GABBR2: variants seen among roughly 807,000 people sequenced by gnomAD.
GABBR2 encodes G-protein coupled receptor 51.
Under a neutral mutation model 105.6 loss-of-function variants are expected in GABBR2, and 23 were observed. The observed-to-expected ratio is 0.22, with a 90% confidence interval of 0.16 to 0.31. GABBR2 has a LOEUF of 0.31. GABBR2 is among the 10% of genes least tolerant of loss of function. The probability of loss-of-function intolerance (pLI) is 1.00; values close to 1 mark genes in which losing one functional copy is unlikely to be tolerated. For missense variants in GABBR2, 734 were observed against 1,245.5 expected (o/e 0.59, Z 6.18); for synonymous variants, 478 against 499.7 (o/e 0.96, Z 0.58).
At chr9:98,596,212 G>A (rs2131800194) in intron 1 of GABBR2, among the ~76,000 whole-genome samples, 1 of 152,352 alleles carries the variant, frequency 6.6e-6, no homozygotes, top group Non-Finnish European at 1.5e-5. Context: ...GATGATAATA[G>A]TGTTTACATT....
At chr9:98,613,443 G>T (rs906250285) in intron 1 of GABBR2, among the ~76,000 whole-genome samples, 24 of 38,138 alleles carry the variant, frequency 6.3e-4, no homozygotes, top group Non-Finnish European at 1.1e-3. Context: ...CTGTCTCAGG[G>T]GAAGAAAAAA....
intron 13 of GABBR2, among the ~76,000 whole-genome samples, chr9:98,356,289 G>A (rs1831482020): frequency 6.6e-6 from 1 of 152,074 alleles, no homozygotes; most frequent in African/African-American, 2.4e-5. Flanking sequence ...ATCTAATAAA[G>A]GACTTGCATC....
At chr9:98,353,707 T>A (rs10125411) in intron 13 of GABBR2, among the ~76,000 whole-genome samples, 2 of 151,964 alleles carry the variant, frequency 1.3e-5, no homozygotes, top group African/African-American at 4.8e-5. Context: ...TCAGGTGATA[T>A]GGTTTGGCTG....
intron 3 of GABBR2, among the ~76,000 whole-genome samples, chr9:98,534,371 C>T (rs968847588): frequency 3.3e-5 from 5 of 152,172 alleles, no homozygotes; most frequent in African/African-American, 1.2e-4. Flanking sequence ...GGCAGCCATG[C>T]TCATGGCAGG....
chr9:98,494,348 A>G (rs1827234427), intron 4 of GABBR2, among the ~76,000 whole-genome samples: 1 of 152,194 alleles, frequency 6.6e-6, no homozygotes, highest in Non-Finnish European at 1.5e-5. Flanking sequence ...GTTCAGGGAA[A>G]GCCTCGGGGA....
chr9:98,322,312 T>C (rs550184399), intron 13 of GABBR2, among the ~76,000 whole-genome samples: 26 of 152,196 alleles, frequency 1.7e-4, no homozygotes, highest in Non-Finnish European at 3.7e-4. Flanking sequence ...CTCTCCAGCC[T>C]TTCTCATTCT....
intron 2 of GABBR2, among the ~76,000 whole-genome samples, chr9:98,566,613 T>G: frequency 6.6e-6 from 1 of 151,796 alleles, no homozygotes; most frequent in Admixed American, 6.6e-5. Context: ...AGGTGGAGCT[T>G]GTAGTGAGCC....
intron 1 of GABBR2, among the ~76,000 whole-genome samples, chr9:98,632,217 T>C (rs544295781): frequency 6.6e-6 from 1 of 152,246 alleles, no homozygotes; most frequent in Non-Finnish European, 1.5e-5. Flanking sequence ...CGGTGAGTTA[T>C]AGCTGTGTGA....
chr9:98,702,552 C>G (rs571807821), intron 1 of GABBR2, among the ~76,000 whole-genome samples: 2 of 152,318 alleles, frequency 1.3e-5, no homozygotes, highest in Non-Finnish European at 2.9e-5. Context: ...TAAAGTCCCA[C>G]CTTCCGGACA....
chr9:98,616,751 C>CAA (rs35879049), intron 1 of GABBR2, among the ~76,000 whole-genome samples: 2,726 of 143,502 alleles, frequency 0.019, 71 homozygotes, highest in African/African-American at 0.06. Flanking sequence ...GACTCCGTCT[C>CAA]AAAAAAAAAA....
intron 1 of GABBR2, among the ~76,000 whole-genome samples, chr9:98,678,596 C>T (rs568770473): frequency 6.6e-6 from 1 of 152,340 alleles, no homozygotes; most frequent in South Asian, 2.1e-4. Flanking sequence ...ATGATACTAA[C>T]CTCATCTGGA....
chr9:98,607,975 A>T, intron 1 of GABBR2: 1 of 1,305,248 alleles, frequency 7.7e-7, no homozygotes, highest in Middle Eastern at 1.8e-4. Context: ...CACCATGAGC[A>T]AATGAAAAGG....
chr9:98,685,242 C>T (rs1830605951), intron 1 of GABBR2, among the ~76,000 whole-genome samples: 1 of 152,244 alleles, frequency 6.6e-6, no homozygotes, highest in Non-Finnish European at 1.5e-5. Flanking sequence ...ACTTTGGGAA[C>T]TACACCAGTG....
chr9:98,317,813 A>G (rs1830744643), intron 13 of GABBR2, among the ~76,000 whole-genome samples: 1 of 152,202 alleles, frequency 6.6e-6, no homozygotes, highest in Non-Finnish European at 1.5e-5. Flanking sequence ...GGGGCTGCTC[A>G]ACAAACACAG....
At chr9:98,399,344 T>C (rs1832348989) in intron 8 of GABBR2, among the ~76,000 whole-genome samples, 1 of 129,072 alleles carries the variant, frequency 7.7e-6, no homozygotes, top group Non-Finnish European at 1.6e-5. Flanking sequence ...AAAGCAAGAC[T>C]CCATCTCAAA....
intron 2 of GABBR2, among the ~76,000 whole-genome samples, chr9:98,569,302 T>C (rs1018201350): frequency 6.6e-6 from 1 of 152,160 alleles, no homozygotes; most frequent in African/African-American, 2.4e-5. Context: ...GTTTTGACTG[T>C]TGGGGGCTGA....
chr9:98,370,833 C>T (rs904176728), intron 12 of GABBR2, among the ~76,000 whole-genome samples: 1 of 152,150 alleles, frequency 6.6e-6, no homozygotes, highest in East Asian at 1.9e-4. Context: ...CATATCTATA[C>T]CAAACCGCAC....
In GABBR2 at chr9:98,394,150, C is replaced by T. The variant is rs572697970; in HGVS notation, c.1378+25G>A. On this transcript the variant is annotated intron_variant, in intron 9 of 18. Coordinates refer to ENST00000259455, the MANE Select transcript of GABBR2 (RefSeq NM_005458.8). The stretch of plus-strand genomic sequence containing the variant: ...TTGGGAGCAACTGGGCAGGCCCCCT[C>T]CTCTGAGAAGCCCACCTGCCTTACC... 3,405 of 1,553,378 alleles carry T rather than the reference C, an allele frequency of 2.2e-3. 87 individuals carry two copies. In the South Asian group the frequency reaches 0.036, roughly 16 times the overall value.
chr9:98,338,045 G>A (rs999514798), intron 13 of GABBR2, among the ~76,000 whole-genome samples: 1 of 152,112 alleles, frequency 6.6e-6, no homozygotes, highest in African/African-American at 2.4e-5. Flanking sequence ...CAAACAAGTG[G>A]TGCTTGCACA....
Sources: allele counts gnomAD v4.1 joint callset (sites outside exome capture counted in the v4.1 genomes callset), GRCh38; gene constraint gnomAD v4.1.1; transcripts MANE v1.5; gene names NCBI Gene and HGNC (gene_info 2026-07-23, HGNC 2026-07-21).